Variants in ARK2N observed in about 807,000 individuals in gnomAD.
ARK2N encodes protein ARK2N.
chr18:46,264,013 C>T, the ARK2N span: 3 of 152,090 alleles, frequency 2.0e-5, no homozygotes, highest in Admixed American at 1.3e-4. Context: ...CTTGCAAATC[C>T]GAGAGGAAAG....
the ARK2N span, among the ~76,000 whole-genome samples, chr18:46,181,065 G>C: frequency 6.6e-6 from 1 of 151,810 alleles, no homozygotes; most frequent in Non-Finnish European, 1.5e-5. Context: ...TTCGAAACCA[G>C]CCTAGCCAAC....
At chr18:46,211,979 G>T in the ARK2N span, among the ~76,000 whole-genome samples, 2 of 152,088 alleles carry the variant, frequency 1.3e-5, no homozygotes, top group African/African-American at 2.4e-5. Context: ...AAATAATCTG[G>T]TTGTATGGAA....
At chr18:46,204,081 T>C in the ARK2N span, among the ~76,000 whole-genome samples, 1 of 151,852 alleles carries the variant, frequency 6.6e-6, no homozygotes, top group Non-Finnish European at 1.5e-5. Flanking sequence ...GTAGTATGTG[T>C]CTTATAGACT....
the ARK2N span, chr18:46,173,993 C>G: frequency 6.6e-6 from 1 of 152,256 alleles, no homozygotes; most frequent in Non-Finnish European, 1.5e-5. Context: ...GCGCAGCTGC[C>G]TCTCTAGCCG....
chr18:46,232,044 T>C, the ARK2N span: 99,313 of 151,960 alleles, frequency 0.65, 33,678 homozygotes, highest in Non-Finnish European at 0.75. Flanking sequence ...TCAGTCTGAT[T>C]TATTTCTTAA....
chr18:46,192,346 G>C, the ARK2N span, among the ~76,000 whole-genome samples: 2 of 151,988 alleles, frequency 1.3e-5, no homozygotes, highest in Non-Finnish European at 2.9e-5. Context: ...GGCTAAGGTG[G>C]GCAGATCACA....
chr18:46,254,068 T>G, the ARK2N span, among the ~76,000 whole-genome samples: 7 of 152,228 alleles, frequency 4.6e-5, no homozygotes, highest in Non-Finnish European at 7.3e-5. Context: ...AGAGCTGATG[T>G]TTTTTTCTTT....
chr18:46,187,991 A>G, the ARK2N span, among the ~76,000 whole-genome samples: 9 of 152,172 alleles, frequency 5.9e-5, no homozygotes, highest in African/African-American at 1.7e-4. Flanking sequence ...CTTGTATGGC[A>G]TAGTTTTTCT....
chr18:46,195,748 G>T, the ARK2N span, among the ~76,000 whole-genome samples: 9 of 151,276 alleles, frequency 5.9e-5, no homozygotes, highest in African/African-American at 2.2e-4. Flanking sequence ...GCTGATTTTT[G>T]TATTTTTAGT....
chr18:46,246,656 C>CCCCAGGCCAGGG, the ARK2N span, among the ~76,000 whole-genome samples: 1 of 152,104 alleles, frequency 6.6e-6, no homozygotes, highest in Non-Finnish European at 1.5e-5. Flanking sequence ...TAAGAGCAGA[C>CCCCAGGCCAGGG]CCTAGGCTAG....
At chr18:46,235,532 A>G in the ARK2N span, among the ~76,000 whole-genome samples, 1 of 152,216 alleles carries the variant, frequency 6.6e-6, no homozygotes, top group African/African-American at 2.4e-5. Flanking sequence ...AACCCTCACC[A>G]TAACTCCGTG....
At chr18:46,181,780 G>C in the ARK2N span, among the ~76,000 whole-genome samples, 1 of 152,130 alleles carries the variant, frequency 6.6e-6, no homozygotes, top group African/African-American at 2.4e-5. Context: ...TTGATTGATT[G>C]ATTGATTGAT....
the ARK2N span, among the ~76,000 whole-genome samples, chr18:46,258,583 A>G: frequency 5.3e-5 from 8 of 152,324 alleles, 1 homozygote; most frequent in African/African-American, 1.9e-4. Flanking sequence ...GCAAGACCCA[A>G]GCATTTTCTT....
the ARK2N span, among the ~76,000 whole-genome samples, chr18:46,252,349 T>C: frequency 6.6e-6 from 1 of 151,214 alleles, no homozygotes; most frequent in African/African-American, 2.4e-5. Context: ...CGATCTCGAC[T>C]CACTGAAACC....
chr18:46,242,255 G>T, the ARK2N span, among the ~76,000 whole-genome samples: 1 of 152,140 alleles, frequency 6.6e-6, no homozygotes, highest in Non-Finnish European at 1.5e-5. Context: ...GGTAAAAAAT[G>T]AATGATTACC....
chr18:46,215,825 G>A, the ARK2N span: 78 of 1,514,692 alleles, frequency 5.1e-5, no homozygotes, highest in Non-Finnish European at 6.6e-5. Flanking sequence ...CTTTCCTGTT[G>A]CATCTTTGAT....
the ARK2N span, among the ~76,000 whole-genome samples, chr18:46,227,839 C>G: frequency 6.6e-6 from 1 of 152,124 alleles, no homozygotes. Context: ...CTCAGGTGAT[C>G]TGCCTGCCTC....
the ARK2N span, among the ~76,000 whole-genome samples, chr18:46,181,074 A>G: frequency 6.6e-6 from 1 of 151,946 alleles, no homozygotes; most frequent in Non-Finnish European, 1.5e-5. Context: ...AGCCTAGCCA[A>G]CATGATGAAA....
At chr18:46,245,982 C>T in the ARK2N span, among the ~76,000 whole-genome samples, 8 of 151,234 alleles carry the variant, frequency 5.3e-5, no homozygotes, top group South Asian at 1.7e-3. Context: ...TTCCAAAGAC[C>T]TACACAGGCA....
Sources: allele counts gnomAD v4.1 joint callset (sites outside exome capture counted in the v4.1 genomes callset), GRCh38; gene constraint gnomAD v4.1.1; transcripts MANE v1.5; gene names NCBI Gene and HGNC (gene_info 2026-07-23, HGNC 2026-07-21).